PBX1: variants seen among roughly 807,000 people sequenced by gnomAD.
The protein encoded by PBX1 is pre-B-cell leukemia transcription factor 1.
PBX1 carries 6 observed loss-of-function variants against 53.4 expected under a neutral mutation model. The observed-to-expected ratio is 0.11, with a 90% confidence interval of 0.06 to 0.22. The LOEUF is 0.22. PBX1 is among the 10% of genes least tolerant of loss of function. The pLI is 1.00. For synonymous variants in PBX1, 204 were observed against 212.3 expected, an observed-to-expected ratio of 0.96 and a Z score of 0.34; for missense variants, 251 against 551.4, an observed-to-expected ratio of 0.46 and a Z score of 5.46.
intron 2 of PBX1, among the ~76,000 whole-genome samples, chr1:164,752,381 A>G (rs1464902917): frequency 6.6e-6 from 1 of 152,096 alleles, no homozygotes; most frequent in African/African-American, 2.4e-5. Context: ...CATAGGTGCC[A>G]CCCTACCAAA....
chr1:164,810,329 A>G (rs1188722508), intron 5 of PBX1, among the ~76,000 whole-genome samples: 1 of 152,118 alleles, frequency 6.6e-6, no homozygotes, highest in Non-Finnish European at 1.5e-5. Context: ...TCATGATAAC[A>G]CTCATTTTAT....
Position 164,618,303 on chromosome 1 carries a change from G to A in PBX1, c.265+54992G>A, listed in dbSNP as rs111595506. On this transcript the variant is annotated intron_variant, in intron 2 of 8. Transcript: ENST00000420696. ...CCAGGGAGAATAATCACGGCGGGGGGGGGGGGGCACTCAAGATGATCAGCA... is the reference window on the plus strand; with the variant it reads ...CCAGGGAGAATAATCACGGCGGGGGAGGGGGGGCACTCAAGATGATCAGCA... 6.8e-3 allele frequency among the ~76,000 whole-genome samples: 1,027 copies of A among 150,406 alleles called. 26 individuals carry two copies. The highest frequency in any genetic ancestry group is 0.024 in the African/African-American group (978 of 40,736).
At chr1:164,817,402 C>T (rs987389419) in intron 6 of PBX1, 3 of 152,306 alleles carry the variant, frequency 2.0e-5, no homozygotes, top group South Asian at 2.1e-4. Flanking sequence ...TGTGGACTTC[C>T]GTCTGCTTCA....
intron 8 of PBX1, among the ~76,000 whole-genome samples, chr1:164,842,925 T>G (rs1275487017): frequency 7.3e-6 from 1 of 137,752 alleles, no homozygotes; most frequent in Non-Finnish European, 1.5e-5. Flanking sequence ...CACCGCACAG[T>G]TGTTAATGAA....
intron 2 of PBX1, 88 bp downstream of exon 2, chr1:164,563,399 A>G (rs1333141889): frequency 1.2e-6 from 1 of 810,172 alleles, no homozygotes; most frequent in Non-Finnish European, 2.0e-6. Context: ...TTAAATATTA[A>G]AATTTCAGAA....
chr1:164,757,316 T>C (rs1379644591), intron 2 of PBX1, among the ~76,000 whole-genome samples: 3 of 152,176 alleles, frequency 2.0e-5, no homozygotes, highest in Admixed American at 6.5e-5. Context: ...AATATTGTAA[T>C]TTTTCTAATT....
At chr1:164,566,743 C>T (rs530636400) in intron 2 of PBX1, among the ~76,000 whole-genome samples, 2 of 152,092 alleles carry the variant, frequency 1.3e-5, no homozygotes, top group South Asian at 2.1e-4. Flanking sequence ...TAGGAAAACA[C>T]GAAAAATATT....
rs74485394 is a variant in PBX1 at position 164,734,470 on chromosome 1, C to T, written c.266-58024C>T. The stretch of plus-strand genomic sequence containing the variant: ...GTTTTGCAAGCCATCAGATAGTGTG[C>T]TTGCCATTACTCACCAAGTTCTAAC... On this transcript the variant is annotated intron_variant, in intron 2 of 8. Transcript: ENST00000420696. Among the ~76,000 whole-genome samples the T allele has an allele frequency of 4.6e-3, 704 of 152,294 alleles. 4 individuals are homozygous for T. The highest frequency in any genetic ancestry group is 0.016 in the African/African-American group (681 of 41,568).
At chr1:164,765,278 A>T (rs1224834166) in intron 2 of PBX1, among the ~76,000 whole-genome samples, 1 of 152,198 alleles carries the variant, frequency 6.6e-6, no homozygotes, top group Non-Finnish European at 1.5e-5. Context: ...TGCTTCTGGT[A>T]TATGTGCGAT....
intron 2 of PBX1, among the ~76,000 whole-genome samples, chr1:164,635,268 A>G (rs1236097071): frequency 6.6e-6 from 1 of 151,864 alleles, no homozygotes; most frequent in East Asian, 1.9e-4. Context: ...CTGCTGTGTC[A>G]TTTGAATTTG....
intron 2 of PBX1, among the ~76,000 whole-genome samples, chr1:164,678,411 A>G (rs1191183746): frequency 3.3e-5 from 5 of 152,204 alleles, no homozygotes; most frequent in Admixed American, 3.3e-4. Context: ...CAGATTACCA[A>G]ACACAATTCA....
At chr1:164,748,859 G>T (rs1392848205) in intron 2 of PBX1, among the ~76,000 whole-genome samples, 1 of 152,274 alleles carries the variant, frequency 6.6e-6, no homozygotes, top group East Asian at 1.9e-4. Context: ...ACTGGGGCAG[G>T]AGCAGTGGTG....
At chr1:164,582,763 C>T (rs982069311) in intron 2 of PBX1, among the ~76,000 whole-genome samples, 34 of 152,114 alleles carry the variant, frequency 2.2e-4, no homozygotes, top group African/African-American at 8.0e-4. Context: ...ATATGATAGG[C>T]ATTGCCCTCA....
intron 2 of PBX1, among the ~76,000 whole-genome samples, chr1:164,689,151 C>T (rs998586914): frequency 1.3e-5 from 2 of 152,180 alleles, no homozygotes; most frequent in Non-Finnish European, 2.9e-5. Flanking sequence ...CAATACATTA[C>T]GGCAAACACC....
At chr1:164,880,535 GC>G (rs1672621350) in intron 2 of PBX1, among the ~76,000 whole-genome samples, 1 of 152,196 alleles carries the variant, frequency 6.6e-6, no homozygotes, top group Admixed American at 6.5e-5. Context: ...TAAGGGGAAT[GC>G]TTTTTCCCAG....
At chr1:164,567,751 G>A (rs989194595) in intron 2 of PBX1, among the ~76,000 whole-genome samples, 3 of 152,182 alleles carry the variant, frequency 2.0e-5, no homozygotes, top group Non-Finnish European at 4.4e-5. Context: ...TTTGAGAAGT[G>A]CAAAGAGCAA....
At chr1:164,608,927 A>C in intron 2 of PBX1, among the ~76,000 whole-genome samples, 1 of 152,232 alleles carries the variant, frequency 6.6e-6, no homozygotes, top group East Asian at 1.9e-4. Flanking sequence ...GTTAAGTATA[A>C]GAATTCCAGG....
intron 2 of PBX1, among the ~76,000 whole-genome samples, chr1:164,636,045 C>T (rs1387305089): frequency 6.6e-6 from 1 of 152,172 alleles, no homozygotes; most frequent in African/African-American, 2.4e-5. Flanking sequence ...GCAAGCTCCC[C>T]AGTCCCTGCC....
chr1:164,794,161 C>T (rs1358457636), intron 3 of PBX1, among the ~76,000 whole-genome samples: 1 of 152,082 alleles, frequency 6.6e-6, no homozygotes, highest in Admixed American at 6.5e-5. Context: ...AGGCGTGAGC[C>T]ACCACACCTG....
Sources: gnomAD v4.1 joint callset for allele counts (sites outside exome capture counted in the v4.1 genomes callset) on GRCh38, gnomAD v4.1.1 for gene constraint, MANE v1.5 for transcripts, NCBI Gene and HGNC (gene_info 2026-07-23, HGNC 2026-07-21) for gene names.